Variants in PIBF1 observed in about 807,000 individuals in gnomAD.
PIBF1 encodes the protein progesterone-induced-blocking factor 1.
In PIBF1, 90 loss-of-function variants were observed where a neutral mutation model predicts 112.5. The ratio of observed to expected loss-of-function variants is 0.80; its 90% CI spans 0.67 to 0.95. The LOEUF (loss-of-function observed/expected upper bound fraction) is 0.95, where lower values mean the gene tolerates loss of function less well. Among genes scored for constraint, PIBF1 ranks in the 40% least tolerant of loss-of-function variants. PIBF1 has a pLI of 0.00. For synonymous variants in PIBF1, 301 were observed against 288.6 expected, an observed-to-expected ratio of 1.04 and a Z score of -0.44; for missense variants, 915 against 852.3, an observed-to-expected ratio of 1.07 and a Z score of -0.92.
intron 13 of PIBF1, among the ~76,000 whole-genome samples, chr13:72,921,660 A>G (rs571436322): frequency 1.2e-4 from 18 of 152,278 alleles, no homozygotes; most frequent in Admixed American, 3.9e-4. Context: ...TTTGAGTGCT[A>G]TATTTTCATT....
chr13:72,994,042 T>G (rs1594335857), intron 16 of PIBF1, among the ~76,000 whole-genome samples: 1 of 148,420 alleles, frequency 6.7e-6, no homozygotes. Flanking sequence ...AGCCCCAGAG[T>G]GAAGGCACTG....
chr13:72,786,859 A>G lies in PIBF1; in HGVS notation c.252+3138A>G, dbSNP rs561639404. ...TTTGCTCTCAAATATATGAAGAAAT[A>G]CCTATTGTAGAGTTAGCCTTCCATA... is the stretch of plus-strand genomic sequence containing the variant. On this transcript the variant is annotated intron_variant, in intron 2 of 17. Transcript: ENST00000326291. 3.9e-5 allele frequency among the ~76,000 whole-genome samples: 6 copies of G among 152,274 alleles called. No homozygotes were observed. The East Asian group carries it at 1.2e-3, about 29-fold the overall frequency.
intron 10 of PIBF1, among the ~76,000 whole-genome samples, chr13:72,885,805 T>C (rs2039827149): frequency 6.6e-6 from 1 of 152,082 alleles, no homozygotes; most frequent in Non-Finnish European, 1.5e-5. Flanking sequence ...TTAGGCTAGG[T>C]AAAGTCAACC....
At chr13:72,853,931 A>G (rs1207925736) in intron 9 of PIBF1, 126 bp from the exon 10 acceptor site, 2 of 676,660 alleles carry the variant, frequency 3.0e-6, no homozygotes, top group Non-Finnish European at 2.6e-6. Flanking sequence ...GCAGGTTTAT[A>G]TAGTGTACAC....
chr13:72,935,200 G>T (rs1263882094), intron 14 of PIBF1, among the ~76,000 whole-genome samples: 4 of 152,076 alleles, frequency 2.6e-5, no homozygotes, highest in Admixed American at 6.6e-5. Context: ...TGGCCAGGCT[G>T]GTCTCGAACT....
At chr13:72,894,581 A>G (rs2040190743) in intron 11 of PIBF1, among the ~76,000 whole-genome samples, 1 of 151,812 alleles carries the variant, frequency 6.6e-6, no homozygotes, top group South Asian at 2.1e-4. Context: ...GAATTTATAC[A>G]TGGTAAAGGT....
At chr13:72,817,295 A>G (rs1047759222) in intron 5 of PIBF1, among the ~76,000 whole-genome samples, 4 of 152,200 alleles carry the variant, frequency 2.6e-5, no homozygotes, top group Admixed American at 1.3e-4. Context: ...TTAGAAATTC[A>G]TTACATCCAT....
At chr13:72,871,584 G>A (rs1424965420) in intron 10 of PIBF1, among the ~76,000 whole-genome samples, 2 of 152,148 alleles carry the variant, frequency 1.3e-5, no homozygotes, top group Admixed American at 6.5e-5. Flanking sequence ...GATTACAGAC[G>A]TGAGCCTCCG....
chr13:72,953,680 A>G (rs1164622744), intron 14 of PIBF1, among the ~76,000 whole-genome samples: 1 of 152,164 alleles, frequency 6.6e-6, no homozygotes, highest in Non-Finnish European at 1.5e-5. Context: ...AGCCGAGGCA[A>G]TGCAGGCAAT....
At chr13:72,911,219 T>C (rs1325028430) in intron 12 of PIBF1, among the ~76,000 whole-genome samples, 2 of 152,126 alleles carry the variant, frequency 1.3e-5, no homozygotes, top group African/African-American at 2.4e-5. Context: ...ATTGGAAGAA[T>C]TGCACTACCT....
chr13:72,808,907 G>C (rs1232101141), intron 5 of PIBF1, among the ~76,000 whole-genome samples: 2 of 152,118 alleles, frequency 1.3e-5, no homozygotes, highest in African/African-American at 4.8e-5. Context: ...ACTCCATAGT[G>C]GTTTACTAAG....
intron 2 of PIBF1, among the ~76,000 whole-genome samples, chr13:72,790,768 T>C (rs2034883961): frequency 1.3e-5 from 2 of 152,088 alleles, no homozygotes; most frequent in Admixed American, 6.6e-5. Flanking sequence ...AGTCATGCTG[T>C]CAAATAAGAT....
chr13:73,009,140 C>T (rs778066969), intron 17 of PIBF1, among the ~76,000 whole-genome samples: 35 of 152,078 alleles, frequency 2.3e-4, no homozygotes, highest in East Asian at 3.9e-4. Context: ...GCATTTTAAG[C>T]GGGAAGCGAG....
Position 72,827,756 on chromosome 13 carries a change from T to TA in PIBF1, c.940dup (p.Thr314AsnfsTer7). On this transcript the variant is annotated frameshift_variant, in exon 8 of 18. Coordinates refer to ENST00000326291, the MANE Select transcript of PIBF1 (RefSeq NM_006346.4). LOFTEE classifies it high-confidence loss of function. ...AGGTAGTCACCTTAGAGCAAACTGT[T>TA]ACTTTACTGCAAAAGGATAAAGAAT... The TA allele has an allele frequency of 6.3e-7, 1 of 1,589,128 alleles. No individual in the cohort carries two copies. Among genetic ancestry groups the TA allele is most frequent in the Non-Finnish European group, 8.6e-7 (1 of 1,167,742 alleles).
chr13:72,829,261 G>C (rs1047431936), intron 8 of PIBF1, among the ~76,000 whole-genome samples: 2 of 152,118 alleles, frequency 1.3e-5, no homozygotes, highest in Admixed American at 6.5e-5. Context: ...TTCTTTTGCT[G>C]TGCAGAAGCT....
intron 10 of PIBF1, chr13:72,880,982 T>C (rs574709500): frequency 2.6e-5 from 4 of 152,280 alleles, no homozygotes; most frequent in African/African-American, 7.2e-5. Flanking sequence ...ACCACTGTTA[T>C]TCAACATTGT....
intron 5 of PIBF1, among the ~76,000 whole-genome samples, chr13:72,818,211 C>T (rs2036381043): frequency 6.6e-6 from 1 of 152,122 alleles, no homozygotes; most frequent in Non-Finnish European, 1.5e-5. Flanking sequence ...TGCAGTTGCA[C>T]TCACAGAAAA....
At chr13:72,968,271 T>TTTGTTGTTGTTG (rs74223523) in intron 15 of PIBF1, among the ~76,000 whole-genome samples, 8 of 150,844 alleles carry the variant, frequency 5.3e-5, no homozygotes, top group African/African-American at 4.9e-5. Context: ...GTTTTGGGGT[T>TTTGTTGTTGTTG]TTGTTGTTGT....
intron 9 of PIBF1, among the ~76,000 whole-genome samples, chr13:72,839,114 T>C (rs1397951332): frequency 6.6e-6 from 1 of 152,122 alleles, no homozygotes; most frequent in Non-Finnish European, 1.5e-5. Context: ...ATGTAGAGAA[T>C]AGATTGGAAT....
Sources: allele counts gnomAD v4.1 joint callset (sites outside exome capture counted in the v4.1 genomes callset), GRCh38; gene constraint gnomAD v4.1.1; transcripts MANE v1.5; gene names NCBI Gene and HGNC (gene_info 2026-07-23, HGNC 2026-07-21).